The following OSBPL10 variants were observed in gnomAD, a reference collection of about 807,000 sequenced individuals.
OSBPL10 encodes the protein oxysterol binding protein like 10.
In OSBPL10, 49 loss-of-function variants were observed where a neutral mutation model predicts 81.7. The ratio of observed to expected loss-of-function variants is 0.60; its 90% CI spans 0.48 to 0.76. OSBPL10 has a LOEUF of 0.76. Ranked by LOEUF, OSBPL10 falls within the 30% of genes least tolerant of loss-of-function variation. The probability of loss-of-function intolerance (pLI) is 0.00; values close to 1 mark genes in which losing one functional copy is unlikely to be tolerated. For missense variants in OSBPL10, 923 were observed against 987.8 expected (o/e 0.93, Z 0.88); for synonymous variants, 419 against 383.6 (o/e 1.09, Z -1.08).
In OSBPL10 at chr3:31,909,698, T is replaced by C. The variant is rs564931979; in HGVS notation, c.282-29868A>G. On this transcript the variant is annotated intron_variant, in intron 1 of 11. Transcript: ENST00000396556. ...TCAAGCGAGTGCACTGTGACTGACA[T>C]AACCCTCAGCGACCACATCAGCTTT... 2.0e-5 allele frequency among the ~76,000 whole-genome samples: 3 copies of C among 152,234 alleles called. No individual in the cohort carries two copies. In the East Asian group the frequency reaches 5.8e-4, roughly 29 times the overall value.
At chr3:31,758,647 C>T (rs1388861916) in intron 4 of OSBPL10, among the ~76,000 whole-genome samples, 1 of 152,228 alleles carries the variant, frequency 6.6e-6, no homozygotes, top group African/African-American at 2.4e-5. Context: ...CAGTGAGGGT[C>T]TTCGTGTCCT....
intron 2 of OSBPL10, among the ~76,000 whole-genome samples, chr3:32,038,202 A>C (rs928260980): frequency 6.6e-6 from 1 of 152,224 alleles, no homozygotes; most frequent in Non-Finnish European, 1.5e-5. Flanking sequence ...TGCTGCATAC[A>C]ATACATGCTA....
chr3:32,061,344 G>T lies in OSBPL10; in HGVS notation n.186-14741C>A, dbSNP rs913546885. On this transcript the variant is annotated intron_variant and non_coding_transcript_variant, in intron 1 of 3. Transcript: ENST00000479173. Reference sequence around the variant, plus strand: ...ACCCAGCCCAGGCCACCTGGTAGGAGCTCAATATATATTTATTATATAAGT... The same window carrying T: ...ACCCAGCCCAGGCCACCTGGTAGGATCTCAATATATATTTATTATATAAGT... Among the ~76,000 whole-genome samples, 26 of 92,848 alleles carry T rather than the reference G, an allele frequency of 2.8e-4. 9 individuals are homozygous for T. The highest frequency in any genetic ancestry group is 4.9e-4 in the Non-Finnish European group (17 of 34,824). 60.9% of individuals were successfully genotyped at this position (92,848 alleles called of 152,430 possible).
chr3:31,712,771 C>A (rs1696301454), intron 6 of OSBPL10, among the ~76,000 whole-genome samples: 1 of 152,248 alleles, frequency 6.6e-6, no homozygotes, highest in African/African-American at 2.4e-5. Context: ...AGTGAAAACA[C>A]ATCACCTAAT....
At chr3:31,880,291 C>T (rs888342850) in intron 1 of OSBPL10, among the ~76,000 whole-genome samples, 8 of 152,162 alleles carry the variant, frequency 5.3e-5, no homozygotes, top group Admixed American at 1.3e-4. Flanking sequence ...GGCATGGGTA[C>T]CATAAGGAGC....
intron 6 of OSBPL10, among the ~76,000 whole-genome samples, chr3:31,710,214 T>C (rs148537956): frequency 6.6e-6 from 1 of 152,292 alleles, no homozygotes; most frequent in Non-Finnish European, 1.5e-5. Context: ...CCACCTCTCA[T>C]ATCTGAGAGG....
intron 6 of OSBPL10, among the ~76,000 whole-genome samples, chr3:31,727,434 T>G (rs570324931): frequency 4.0e-5 from 6 of 151,630 alleles, no homozygotes; most frequent in African/African-American, 1.4e-4. Context: ...TGGAAGGAGA[T>G]GTAGTCTGTT....
At chr3:31,979,821 T>C (rs1051882229) in intron 1 of OSBPL10, among the ~76,000 whole-genome samples, 3 of 152,010 alleles carry the variant, frequency 2.0e-5, no homozygotes, top group East Asian at 3.9e-4. Context: ...CCTGAGCCCC[T>C]TTCCTCGACA....
intron 10 of OSBPL10, 162 bp from the exon 11 acceptor site, chr3:31,664,394 A>G (rs892844724): frequency 7.8e-6 from 5 of 639,692 alleles, no homozygotes; most frequent in South Asian, 3.9e-5. Flanking sequence ...CTAGATTTGA[A>G]CCCAGGGCTA....
chr3:31,879,578 A>G, intron 2 of OSBPL10, 77 bp downstream of exon 2: 1 of 1,471,702 alleles, frequency 6.8e-7, no homozygotes, highest in Non-Finnish European at 9.1e-7. Flanking sequence ...TTAAAAAAAC[A>G]AAAAATCAAA....
chr3:31,854,022 T>C (rs529729295), intron 3 of OSBPL10, among the ~76,000 whole-genome samples: 1 of 152,246 alleles, frequency 6.6e-6, no homozygotes, highest in South Asian at 2.1e-4. Flanking sequence ...ACACTGCGCC[T>C]GGCATTTTGA....
intron 4 of OSBPL10, among the ~76,000 whole-genome samples, chr3:31,804,748 C>T (rs1340381283): frequency 6.6e-6 from 1 of 152,232 alleles, no homozygotes; most frequent in African/African-American, 2.4e-5. Flanking sequence ...CAGCAATAAA[C>T]AGCAGCATTC....
chr3:31,794,044 G>A (rs944355848), intron 4 of OSBPL10, among the ~76,000 whole-genome samples: 1 of 152,222 alleles, frequency 6.6e-6, no homozygotes, highest in African/African-American at 2.4e-5. Context: ...CACAGTGGTG[G>A]CTGAACTCAG....
intron 1 of OSBPL10, among the ~76,000 whole-genome samples, chr3:31,935,484 A>G (rs1464202567): frequency 6.6e-6 from 1 of 151,824 alleles, no homozygotes; most frequent in Non-Finnish European, 1.5e-5. Context: ...GAACTAAAAG[A>G]AGAAAAAAAA....
chr3:31,854,369 T>C (rs1320440675), intron 3 of OSBPL10, among the ~76,000 whole-genome samples: 1 of 152,206 alleles, frequency 6.6e-6, no homozygotes, highest in African/African-American at 2.4e-5. Context: ...TGGCCCATAA[T>C]GCCTCCTTTC....
intron 1 of OSBPL10, among the ~76,000 whole-genome samples, chr3:31,908,785 T>C (rs770455216): frequency 3.3e-5 from 5 of 152,208 alleles, no homozygotes; most frequent in Non-Finnish European, 7.3e-5. Context: ...CCTGGAGATA[T>C]TGATCTCCTA....
intron 4 of OSBPL10, among the ~76,000 whole-genome samples, chr3:31,812,826 A>G (rs554607256): frequency 7.4e-6 from 1 of 135,180 alleles, no homozygotes; most frequent in Non-Finnish European, 1.6e-5. Flanking sequence ...AAGAGAAAGA[A>G]AGAAAGAAAG....
At chr3:31,981,292 C>G (rs574586332), upstream of OSBPL10, 1 of 1,285,606 alleles carries the variant, frequency 7.8e-7, no homozygotes, top group South Asian at 2.6e-5. The surrounding 1 kb of genome is among the most constrained non-coding windows in gnomAD (Gnocchi z 4.5). Context: ...GCTCCAAATC[C>G]CCGGGAAATG....
chr3:31,736,659 A>G (rs1452681070), intron 5 of OSBPL10, among the ~76,000 whole-genome samples: 1 of 152,244 alleles, frequency 6.6e-6, no homozygotes, highest in East Asian at 1.9e-4. Flanking sequence ...CACAAGCAGT[A>G]AACATCCTGT....
Sources: allele counts gnomAD v4.1 joint callset (sites outside exome capture counted in the v4.1 genomes callset), GRCh38; gene constraint gnomAD v4.1.1; non-coding constraint Gnocchi (gnomAD v3.1); transcripts MANE v1.5; gene names NCBI Gene and HGNC (gene_info 2026-07-23, HGNC 2026-07-21).